The following TRPV1 variants were observed in gnomAD, a reference collection of about 807,000 sequenced individuals.
TRPV1 encodes OTRPC1.
TRPV1 carries 82 observed loss-of-function variants against 82.3 expected under a neutral mutation model. The ratio of observed to expected loss-of-function variants is 1.00; its 90% CI spans 0.83 to 1.20. TRPV1 has a LOEUF of 1.20. Among genes scored for constraint, TRPV1 ranks in the 50% most tolerant of loss-of-function variants. The pLI is 0.00. For synonymous variants in TRPV1, 515 were observed against 467.7 expected (o/e 1.10, Z -1.30); for missense variants, 1,067 against 1,096.8 (o/e 0.97, Z 0.38).
intron 5 of TRPV1, 29 bp downstream of exon 5, chr17:3,590,935 G>C: frequency 6.4e-7 from 1 of 1,558,974 alleles, no homozygotes; most frequent in Admixed American, 1.9e-5. Context: ...TGCGGGCTGA[G>C]CCATGCCCGG....
Position 3,588,181 on chromosome 17 carries a change from C to G in TRPV1, c.1224+7G>C. On this transcript the variant is annotated splice_region_variant and intron_variant, in intron 8 of 16. Transcript: ENST00000572705. ...AGGCCCTCCCTGGCTGTGCCCCAGC[C>G]ACTCACAGGGGTCTCGCTGCTGCTG... 1 of 1,552,624 alleles carries G rather than the reference C, an allele frequency of 6.4e-7. No individual in the cohort carries two copies. Among genetic ancestry groups the G allele is most frequent in the Non-Finnish European group, 8.7e-7 (1 of 1,147,042 alleles).
At chr17:3,581,994 T>G (rs1317369215) in intron 10 of TRPV1, among the ~76,000 whole-genome samples, 18 of 145,634 alleles carry the variant, frequency 1.2e-4, no homozygotes, top group Admixed American at 5.6e-4. Flanking sequence ...ATCGAGACCA[T>G]CCTGGCTAAC....
chr17:3,577,756 G>A lies in TRPV1; in HGVS notation c.1555C>T (p.Gln519Ter). ...ACGGTGGCCAGCATGAACAGTGACT[G>A]CAGAAAGCTGCGGGTGGAGGGGCAG... ...DSYSEMLFFL[Q>*]SLFMLATVVL... The change falls in exon 12 of 17, where the codon CAG becomes TAG. Residue 519 changes from glutamine to a stop codon, truncating the protein, a stop_gained. Transcript: ENST00000572705. LOFTEE classifies it high-confidence loss of function. 6.3e-7 allele frequency: 1 copy of A among 1,590,140 alleles called. No homozygotes were observed. Among genetic ancestry groups the A allele is most frequent in the Non-Finnish European group, 8.6e-7 (1 of 1,168,728 alleles).
At chr17:3,578,890 C>G (rs2074969965) in intron 11 of TRPV1, 1 of 152,144 alleles carries the variant, frequency 6.6e-6, no homozygotes. Context: ...ATGGATGTAG[C>G]TGGAGGCCAT....
intron 13 of TRPV1, among the ~76,000 whole-genome samples, chr17:3,576,416 G>C (rs2074928732): frequency 6.6e-6 from 1 of 151,800 alleles, no homozygotes. Flanking sequence ...ACTTTGGGAG[G>C]CCGAGGCAGG....
chr17:3,571,656 C>A lies in TRPV1; in HGVS notation c.2232-17G>T. The A allele has an allele frequency of 1.3e-6, 2 of 1,584,676 alleles. No individual in the cohort carries two copies. The highest frequency in any genetic ancestry group is 1.1e-5 in the South Asian group (1 of 87,458). ...TCGTCCACCCTGCAGGGTAAGGGGT[C>A]GGGAGAGCCTGAGAGCTGTGCCCAG... On this transcript the variant is annotated splice_polypyrimidine_tract_variant and intron_variant, in intron 15 of 16. Coordinates refer to ENST00000572705, the MANE Select transcript of TRPV1 (RefSeq NM_080704.4).
intron 7 of TRPV1, among the ~76,000 whole-genome samples, chr17:3,588,654 CA>C (rs3837860): frequency 3.4e-5 from 5 of 148,618 alleles, no homozygotes; most frequent in African/African-American, 4.9e-5. Context: ...ACTGAAAATA[CA>C]AAAAAAAAAT....
intron 10 of TRPV1, among the ~76,000 whole-genome samples, chr17:3,581,839 C>A (rs1340309774): frequency 7.1e-6 from 1 of 140,474 alleles, no homozygotes; most frequent in African/African-American, 2.6e-5. Flanking sequence ...GAGCCAAGAT[C>A]ACACCACTGC....
At chr17:3,598,055 G>C (rs1251318107) in intron 2 of TRPV1, among the ~76,000 whole-genome samples, 1 of 152,210 alleles carries the variant, frequency 6.6e-6, no homozygotes, top group Non-Finnish European at 1.5e-5. Flanking sequence ...GCACAGGAGA[G>C]AGTCACATAC....
chr17:3,597,888 G>A (rs1017617353), intron 2 of TRPV1, among the ~76,000 whole-genome samples: 5 of 151,996 alleles, frequency 3.3e-5, no homozygotes, highest in African/African-American at 4.8e-5. Context: ...TGGCCAGGCC[G>A]GTCTTGAACT....
rs1452742416 is a variant in TRPV1 at position 3,577,129 on chromosome 17, T to C, written c.1777A>G (p.Thr593Ala). The C allele has an allele frequency of 6.3e-7, 1 of 1,584,236 alleles. No homozygotes were observed. The highest frequency in any genetic ancestry group is 8.6e-7 in the Non-Finnish European group (1 of 1,165,636). Residue 593 changes from threonine (T) to alanine (A), a missense_variant, in exon 13 of 17, where the codon ACA becomes GCA. Coordinates refer to ENST00000572705, the MANE Select transcript of TRPV1 (RefSeq NM_080704.4). ...VYIVFLFGFS[T>A]AVVTLIEDGK... ...CAGCGCTGACCAAGCTCATTACCTG[T>C]GGAAAACCCGAACAAGAAGACGATG...
chr17:3,573,483 CT>C (rs2074886375), intron 14 of TRPV1, 149 bp downstream of exon 14: 1 of 858,972 alleles, frequency 1.2e-6, no homozygotes, highest in African/African-American at 1.7e-5. Context: ...ATGTGCCCAG[CT>C]GGGTAAGGCA....
At chr17:3,576,668 A>AAAAAAAAAAAAAT in intron 13 of TRPV1, among the ~76,000 whole-genome samples, 47 of 38,412 alleles carry the variant, frequency 1.2e-3, no homozygotes, top group Non-Finnish European at 2.1e-3. Flanking sequence ...AAAAAAAAAA[A>AAAAAAAAAAAAAT]ATATATATAT....
chr17:3,585,870 C>T lies in TRPV1; in HGVS notation c.1281G>A (p.Trp427Ter). The change falls in exon 9 of 17, where the codon TGG (tryptophan) becomes TGA (stop). Residue 427 changes from tryptophan to a stop codon, truncating the protein, a stop_gained. Transcript: ENST00000572705. LOFTEE classifies it high-confidence loss of function. ...EPLNRLLQDKWDRFVKRIFYF... is the reference protein window; with the variant it reads ...EPLNRLLQDK ...AGAAGATGCGCTTGACGAATCTGTC[C>T]CACTTGTCCTGCAGGAGTCGGTTCA... The T allele has an allele frequency of 6.2e-7, 1 of 1,613,998 alleles. No homozygotes were observed. Among genetic ancestry groups the T allele is most frequent in the Non-Finnish European group, 8.5e-7 (1 of 1,179,884 alleles).
At chr17:3,575,060 G>C (rs1335010654) in intron 13 of TRPV1, among the ~76,000 whole-genome samples, 3 of 152,070 alleles carry the variant, frequency 2.0e-5, no homozygotes, top group Non-Finnish European at 4.4e-5. Flanking sequence ...TTAACAAAGT[G>C]AGAATCCATG....
At chr17:3,578,661 G>C (rs1232127394) in intron 11 of TRPV1, 1 of 152,120 alleles carries the variant, frequency 6.6e-6, no homozygotes, top group Non-Finnish European at 1.5e-5. Flanking sequence ...CTAAAGTATA[G>C]GTATCTCAAG....
chr17:3,566,721 G>T lies in TRPV1; in HGVS notation c.*94C>A. 1 of 1,474,752 alleles carries T rather than the reference G, an allele frequency of 6.8e-7. No homozygotes were observed. Among genetic ancestry groups the T allele is most frequent in the Non-Finnish European group, 9.2e-7 (1 of 1,088,728 alleles). 91.4% of individuals were successfully genotyped at this position (1,474,752 alleles called of 1,614,324 possible). A position where few individuals can be genotyped will look rare whatever the true frequency, so the allele number is the denominator to read the frequency against. ...GCTGGGCAGGCACAGACCAGGCCAG[G>T]CTGCTGACAGAGCACTGGTGTTCCC... On this transcript the variant is annotated 3_prime_UTR_variant, in exon 17 of 17. Transcript: ENST00000572705.
chr17:3,583,567 T>C, intron 9 of TRPV1, 137 bp from the exon 10 acceptor site: 1 of 744,630 alleles, frequency 1.3e-6, no homozygotes, highest in South Asian at 2.0e-5. Flanking sequence ...AGACAGTGTG[T>C]TATTAGGGGA....
chr17:3,592,084 G>A lies in TRPV1; in HGVS notation c.267C>T (p.Asp89=), dbSNP rs201144788. 7.8e-5 allele frequency: 125 copies of A among 1,612,080 alleles called. No individual in the cohort carries two copies. The highest frequency in any genetic ancestry group is 7.6e-4 in the African/African-American group (57 of 75,022). ...GGACTTACCTGGCACCGGTGGGGCC[G>A]TCTCCTGGCCTCTGGATGGTGATAA... is the stretch of plus-strand genomic sequence containing the variant. The part of the protein sequence containing the change: ...SPVITIQRPG[D]GPTGARLLSQ... Residue 89 remains aspartate, a synonymous_variant, in exon 3 of 17, where the codon GAC becomes GAT. Coordinates refer to ENST00000572705, the MANE Select transcript of TRPV1 (RefSeq NM_080704.4).
Sources: allele counts gnomAD v4.1 joint callset (sites outside exome capture counted in the v4.1 genomes callset), GRCh38; gene constraint gnomAD v4.1.1; transcripts MANE v1.5; gene names NCBI Gene and HGNC (gene_info 2026-07-23, HGNC 2026-07-21).